The following GHR variants were observed in gnomAD, a reference collection of about 807,000 sequenced individuals.
GHR encodes the protein growth hormone receptor.
In GHR, 35 loss-of-function variants were observed where a neutral mutation model predicts 67.1. The observed-to-expected ratio is 0.52, with a 90% CI of 0.40 to 0.69. The LOEUF (loss-of-function observed/expected upper bound fraction) is 0.69, where lower values mean the gene tolerates loss of function less well. Ranked by LOEUF, GHR falls within the 30% of genes least tolerant of loss-of-function variation. The pLI is 0.00. For missense variants in GHR, 792 were observed against 764.6 expected, an observed-to-expected ratio of 1.04 and a Z score of -0.42; for synonymous variants, 272 against 269.1, an observed-to-expected ratio of 1.01 and a Z score of -0.10.
intron 1 of GHR, chr5:42,465,715 A>G (rs887793083): frequency 2.2e-6 from 2 of 905,860 alleles, no homozygotes; most frequent in African/African-American, 1.6e-5. Flanking sequence ...AAAAAGATCT[A>G]TCACTTCCAC....
intron 3 of GHR, among the ~76,000 whole-genome samples, chr5:42,639,797 G>T (rs906483158): frequency 7.2e-5 from 11 of 152,270 alleles, no homozygotes; most frequent in Admixed American, 4.6e-4. Context: ...TAAGTTCTTT[G>T]AGGGCAGGGA....
At chr5:42,510,853 C>A (rs1039458615) in intron 1 of GHR, among the ~76,000 whole-genome samples, 2 of 152,184 alleles carry the variant, frequency 1.3e-5, no homozygotes, top group Non-Finnish European at 2.9e-5. Flanking sequence ...TGGGAGACAC[C>A]TCTGGGTGCA....
intron 1 of GHR, among the ~76,000 whole-genome samples, chr5:42,496,551 G>A (rs918728946): frequency 6.6e-6 from 1 of 152,034 alleles, no homozygotes; most frequent in African/African-American, 2.4e-5. Flanking sequence ...TCTGAAAGTT[G>A]GGGCATCATT....
chr5:42,536,943 G>T (rs182944870), intron 1 of GHR, among the ~76,000 whole-genome samples: 2 of 151,906 alleles, frequency 1.3e-5, no homozygotes, highest in Non-Finnish European at 2.9e-5. Flanking sequence ...TCTAGTTTAC[G>T]TGCACAAAGG....
intron 2 of GHR, among the ~76,000 whole-genome samples, chr5:42,605,095 T>TTA (rs978575604): frequency 5.6e-5 from 8 of 143,464 alleles, no homozygotes; most frequent in African/African-American, 1.8e-4. Context: ...TGCCTCTTTT[T>TTA]TTTTTTTTTT....
intron 1 of GHR, among the ~76,000 whole-genome samples, chr5:42,524,425 A>G (rs1044976946): frequency 6.6e-6 from 1 of 152,220 alleles, no homozygotes; most frequent in African/African-American, 2.4e-5. Flanking sequence ...GGTAACTGGC[A>G]GAAGAAATTT....
At chr5:42,680,590 G>A (rs1198839847) in intron 3 of GHR, among the ~76,000 whole-genome samples, 9 of 151,796 alleles carry the variant, frequency 5.9e-5, no homozygotes, top group South Asian at 2.1e-4. Flanking sequence ...TGCAACTTCC[G>A]ACTCCCAGGT....
intron 1 of GHR, among the ~76,000 whole-genome samples, chr5:42,488,898 CCCCAAGGTTAAAA>C (rs1431263967): frequency 6.6e-6 from 1 of 152,150 alleles, no homozygotes; most frequent in African/African-American, 2.4e-5. Context: ...ATGTTGCCAT[CCCCAAGGTTAAAA>C]AACTAGCCCA....
chr5:42,694,041 G>A (rs1312944487), intron 4 of GHR, among the ~76,000 whole-genome samples: 8 of 151,768 alleles, frequency 5.3e-5, no homozygotes, highest in East Asian at 3.9e-4. Context: ...CTTCCTTGCC[G>A]TATTGCCATC....
intron 1 of GHR, chr5:42,565,571 G>A (rs894724734): frequency 1.0e-6 from 1 of 985,390 alleles, no homozygotes; most frequent in Non-Finnish European, 1.2e-6. Context: ...GTGCATGGGG[G>A]TCGTTTGCTG....
chr5:42,524,603 A>T (rs1477312216), intron 1 of GHR, among the ~76,000 whole-genome samples: 1 of 152,232 alleles, frequency 6.6e-6, no homozygotes, highest in Non-Finnish European at 1.5e-5. Context: ...AGAAATTTGC[A>T]TGAGTAGCAA....
intron 2 of GHR, among the ~76,000 whole-genome samples, chr5:42,597,105 G>A (rs1197231271): frequency 3.3e-5 from 5 of 152,114 alleles, no homozygotes; most frequent in Non-Finnish European, 5.9e-5. Flanking sequence ...TGGAAGGGGG[G>A]CTCTGGCTTG....
At chr5:42,576,701 A>G (rs987512129) in intron 2 of GHR, among the ~76,000 whole-genome samples, 4 of 152,258 alleles carry the variant, frequency 2.6e-5, no homozygotes, top group South Asian at 4.1e-4. Context: ...ACATAATAGC[A>G]TAAGCCTTTA....
intron 2 of GHR, among the ~76,000 whole-genome samples, chr5:42,624,103 C>G (rs1004005238): frequency 1.3e-5 from 2 of 152,100 alleles, no homozygotes; most frequent in African/African-American, 2.4e-5. Flanking sequence ...TTTTATGTCT[C>G]GATTCATTAC....
At chr5:42,471,326 A>T (rs1745002603) in intron 1 of GHR, among the ~76,000 whole-genome samples, 1 of 152,188 alleles carries the variant, frequency 6.6e-6, no homozygotes, top group African/African-American at 2.4e-5. Context: ...TCAAAATGCC[A>T]TGTTTTGAGT....
chr5:42,684,349 C>T (rs541004758), intron 3 of GHR, among the ~76,000 whole-genome samples: 62 of 152,248 alleles, frequency 4.1e-4, no homozygotes, highest in Non-Finnish European at 5.1e-4. Context: ...TAGTGCATTT[C>T]CTTTTCTTAT....
chr5:42,634,631 T>G (rs879908894), intron 3 of GHR, among the ~76,000 whole-genome samples: 4 of 152,184 alleles, frequency 2.6e-5, no homozygotes, highest in Non-Finnish European at 5.9e-5. Flanking sequence ...TGTTCAGCAG[T>G]CATTTATGAA....
intron 2 of GHR, among the ~76,000 whole-genome samples, chr5:42,579,017 T>C (rs976026811): frequency 6.6e-6 from 1 of 152,052 alleles, no homozygotes; most frequent in African/African-American, 2.4e-5. Flanking sequence ...TTCTGTTGAT[T>C]CTAAAAGAAA....
chr5:42,424,573 A>T lies in GHR; in HGVS notation c.-12+618A>T. The T allele has an allele frequency of 6.5e-7, 1 of 1,534,736 alleles. No individual in the cohort carries two copies. Among genetic ancestry groups the T allele is most frequent in the Non-Finnish European group, 8.7e-7 (1 of 1,146,108 alleles). ...CGATGGAACTGGGGTCAGTAGAGTGACAGCCACCAGTCCGCATGAACTGGG... is the reference window on the plus strand; with the variant it reads ...CGATGGAACTGGGGTCAGTAGAGTGTCAGCCACCAGTCCGCATGAACTGGG... On this transcript the variant is annotated intron_variant, in intron 1 of 9. Coordinates refer to ENST00000230882, the MANE Select transcript of GHR (RefSeq NM_000163.5). This position sits in a 1 kb window ranked among gnomAD's most constrained non-coding sequence, Gnocchi z 4.1.
Sources: gnomAD v4.1 joint callset for allele counts (sites outside exome capture counted in the v4.1 genomes callset) on GRCh38, gnomAD v4.1.1 for gene constraint, Gnocchi (gnomAD v3.1) non-coding constraint, MANE v1.5 for transcripts, NCBI Gene and HGNC (gene_info 2026-07-23, HGNC 2026-07-21) for gene names.